The following LIMCH1 variants were observed in gnomAD, a reference collection of about 807,000 sequenced individuals.
The protein encoded by LIMCH1 is LIM and calponin homology domains 1, also known as LIM and calponin homology domains-containing protein 1.
In LIMCH1, 113 loss-of-function variants were observed where a neutral mutation model predicts 176.5. The ratio of observed to expected loss-of-function variants is 0.64; its 90% confidence interval spans 0.55 to 0.75. The LOEUF is 0.75. LIMCH1 is among the 30% of genes least tolerant of loss of function. LIMCH1 has a pLI of 0.00. For synonymous variants in LIMCH1, 619 were observed against 645.9 expected, an observed-to-expected ratio of 0.96 and a Z score of 0.63; for missense variants, 1,674 against 1,814.9, an observed-to-expected ratio of 0.92 and a Z score of 1.41.
In LIMCH1 at chr4:41,687,702, A is replaced by T. The variant is rs1203918110; in HGVS notation, c.4089-138A>T. On this transcript the variant is annotated intron_variant, in intron 28 of 31. Transcript: ENST00000503057. The stretch of plus-strand genomic sequence containing the variant: ...GTTCATTAAAAAAAAAAATACTGCC[A>T]GGAAATGCTGTGGTCTTTGATTTGG... The T allele has an allele frequency of 5.4e-6, 3 of 558,150 alleles. No individual in the cohort carries two copies. The African/African-American group carries it at 5.7e-5, about 11-fold the overall frequency. 34.6% of individuals were successfully genotyped at this position (558,150 alleles called of 1,614,324 possible). A position where few individuals can be genotyped will look rare whatever the true frequency, so the allele number is the denominator to read the frequency against.
In LIMCH1 at chr4:41,599,037, C is replaced by T. The variant is rs768657306; in HGVS notation, c.-134+11C>T. 5 of 1,526,650 alleles carry T rather than the reference C, an allele frequency of 3.3e-6. No individual in the cohort carries two copies. Among genetic ancestry groups the T allele is most frequent in the South Asian group, 1.1e-5 (1 of 88,662 alleles). 94.6% of individuals were successfully genotyped at this position (1,526,650 alleles called of 1,614,324 possible). A position where few individuals can be genotyped will look rare whatever the true frequency, so the allele number is the denominator to read the frequency against. On this transcript the variant is annotated intron_variant, in intron 2 of 31. Coordinates refer to ENST00000503057, the MANE Select transcript of LIMCH1 (RefSeq NM_001330672.2). ...CAGAGTAACAGTCAAGTAAGTAAAG[C>T]GTGATTTATGTTTAAGGGAAACTCC...
intron 1 of LIMCH1, among the ~76,000 whole-genome samples, chr4:41,453,208 G>A (rs1461160810): frequency 3.9e-5 from 6 of 152,078 alleles, no homozygotes; most frequent in East Asian, 1.9e-4. Flanking sequence ...GGGAAAAAAT[G>A]GTAATTATGA....
intron 3 of LIMCH1, chr4:41,524,488 TGGAATTGAGATTTATTTTC>T (rs753105519): frequency 6.3e-7 from 1 of 1,596,866 alleles, no homozygotes; most frequent in South Asian, 1.1e-5. Flanking sequence ...GGTGAGTACG[TGGAATTGAGATTTATTTTC>T]CAATATTCCT....
Position 41,619,349 on chromosome 4 carries a change from G to T in LIMCH1, c.367G>T (p.Ala123Ser). Residue 123 changes from alanine to serine, a missense_variant, in exon 6 of 32, where the codon GCG becomes TCG. Coordinates refer to ENST00000503057, the MANE Select transcript of LIMCH1 (RefSeq NM_001330672.2). ...NKSNQTAYVP[A>S]PLRKKKAERE... is the part of the protein sequence containing the mutation. The stretch of plus-strand genomic sequence containing the variant: ...AAGCAATCAGACGGCCTACGTCCCC[G>T]CGCCTCTGAGAAAGAAGAAAGCAGA... The T allele has an allele frequency of 1.9e-6, 3 of 1,614,132 alleles. No homozygotes were observed. The highest frequency in any genetic ancestry group is 2.5e-6 in the Non-Finnish European group (3 of 1,180,032).
intron 1 of LIMCH1, among the ~76,000 whole-genome samples, chr4:41,371,868 T>C (rs2054012438): frequency 6.6e-6 from 1 of 152,238 alleles, no homozygotes; most frequent in Non-Finnish European, 1.5e-5. Context: ...TATTTTATAA[T>C]GTCGGTTTCT....
At chr4:41,491,400 C>T (rs142936777) in intron 1 of LIMCH1, among the ~76,000 whole-genome samples, 8,551 of 132,584 alleles carry the variant, frequency 0.064, 279 homozygotes, top group Non-Finnish European at 0.072. Context: ...CGGGCAGAGG[C>T]GCTCCCCACC....
intron 1 of LIMCH1, among the ~76,000 whole-genome samples, chr4:41,379,835 G>A (rs761280495): frequency 6.6e-5 from 10 of 152,118 alleles, no homozygotes; most frequent in Non-Finnish European, 8.8e-5. Flanking sequence ...GTCTCGCTGT[G>A]TTGCCCAGGC....
At chr4:41,403,762 T>A (rs1002973207) in intron 1 of LIMCH1, among the ~76,000 whole-genome samples, 2 of 152,196 alleles carry the variant, frequency 1.3e-5, no homozygotes, top group African/African-American at 4.8e-5. Context: ...ATTAATCTCA[T>A]TAATTCCATG....
chr4:41,561,357 A>G (rs564862841), intron 1 of LIMCH1, among the ~76,000 whole-genome samples: 29 of 152,316 alleles, frequency 1.9e-4, no homozygotes, highest in Admixed American at 4.6e-4. Context: ...TCTAGATTCC[A>G]ATTAACTTTG....
chr4:41,394,270 C>A (rs2154113040), intron 1 of LIMCH1, among the ~76,000 whole-genome samples: 1 of 152,216 alleles, frequency 6.6e-6, no homozygotes, highest in East Asian at 1.9e-4. Flanking sequence ...TTCCATAGGA[C>A]CCTGCTTGTG....
At chr4:41,588,904 C>T (rs2152711756) in intron 1 of LIMCH1, among the ~76,000 whole-genome samples, 1 of 152,276 alleles carries the variant, frequency 6.6e-6, no homozygotes, top group South Asian at 2.1e-4. Flanking sequence ...GCTGATGTCC[C>T]TCCATATAGA....
chr4:41,465,891 C>T (rs2066032766), intron 1 of LIMCH1, among the ~76,000 whole-genome samples: 1 of 151,544 alleles, frequency 6.6e-6, no homozygotes, highest in Admixed American at 6.6e-5. Context: ...TTTCACACTA[C>T]AGTGGCAGTT....
chr4:41,422,599 C>T (rs1049229610), intron 1 of LIMCH1, among the ~76,000 whole-genome samples: 5 of 152,106 alleles, frequency 3.3e-5, no homozygotes, highest in African/African-American at 9.7e-5. Context: ...TTACTTGATA[C>T]CTTTTTCCTT....
intron 1 of LIMCH1, among the ~76,000 whole-genome samples, chr4:41,402,963 A>G (rs545102874): frequency 4.7e-4 from 68 of 146,134 alleles, no homozygotes; most frequent in Non-Finnish European, 8.4e-4. Flanking sequence ...GTACCCTAAA[A>G]GGTAAAGTAT....
At chr4:41,659,602 G>C (rs947095638) in intron 18 of LIMCH1, among the ~76,000 whole-genome samples, 1 of 152,064 alleles carries the variant, frequency 6.6e-6, no homozygotes, top group Non-Finnish European at 1.5e-5. Context: ...TAAATTCATA[G>C]TTCTCGAGAA....
intron 1 of LIMCH1, among the ~76,000 whole-genome samples, chr4:41,489,467 C>T (rs897967596): frequency 3.9e-5 from 6 of 151,998 alleles, no homozygotes; most frequent in African/African-American, 1.4e-4. Context: ...AGTGTCTTTC[C>T]ATACATTTTG....
At chr4:41,442,057 C>T (rs538233908) in intron 1 of LIMCH1, among the ~76,000 whole-genome samples, 3 of 152,248 alleles carry the variant, frequency 2.0e-5, no homozygotes, top group East Asian at 3.9e-4. Context: ...GTAGCTCATG[C>T]CTGTAATCCC....
intron 1 of LIMCH1, among the ~76,000 whole-genome samples, chr4:41,372,893 T>C (rs1035675708): frequency 6.6e-6 from 1 of 152,204 alleles, no homozygotes; most frequent in Non-Finnish European, 1.5e-5. Flanking sequence ...AGTGACTTCT[T>C]GGCTGCGATT....
chr4:41,665,533 A>G (rs555500009), intron 20 of LIMCH1, among the ~76,000 whole-genome samples: 3 of 152,226 alleles, frequency 2.0e-5, no homozygotes, highest in Non-Finnish European at 2.9e-5. Flanking sequence ...ACATTAATTT[A>G]TTCTGAGGAC....
Sources: gnomAD v4.1 joint callset for allele counts (sites outside exome capture counted in the v4.1 genomes callset) on GRCh38, gnomAD v4.1.1 for gene constraint, MANE v1.5 for transcripts, NCBI Gene and HGNC (gene_info 2026-07-23, HGNC 2026-07-21) for gene names.